Variants in SCMH1 observed in about 807,000 individuals in gnomAD.
The protein encoded by SCMH1 is polycomb protein SCMH1.
Under a neutral mutation model 70.8 loss-of-function variants are expected in SCMH1, and 37 were observed. The observed-to-expected ratio is 0.52, with a 90% confidence interval of 0.40 to 0.69. The LOEUF (loss-of-function observed/expected upper bound fraction) is 0.69, where lower values mean the gene tolerates loss of function less well. SCMH1 is among the 30% of genes least tolerant of loss of function. The pLI is 0.00. For synonymous variants in SCMH1, 292 were observed against 307.4 expected (o/e 0.95, Z 0.52); for missense variants, 607 against 827.3 (o/e 0.73, Z 3.27).
At chr1:41,039,294 C>T (rs1645758988) in intron 12 of SCMH1, among the ~76,000 whole-genome samples, 2 of 152,150 alleles carry the variant, frequency 1.3e-5, no homozygotes, top group African/African-American at 4.8e-5. Context: ...GCTAAGAACA[C>T]TGAGACGTAG....
At chr1:41,151,336 CT>C (rs1369828154) in intron 5 of SCMH1, among the ~76,000 whole-genome samples, 4 of 152,164 alleles carry the variant, frequency 2.6e-5, no homozygotes. Flanking sequence ...ATTAAGAGCT[CT>C]AGTAAAAATT....
intron 1 of SCMH1, among the ~76,000 whole-genome samples, chr1:41,212,650 AAAAC>A (rs1416074668): frequency 6.6e-6 from 1 of 152,150 alleles, no homozygotes; most frequent in Admixed American, 6.6e-5. Flanking sequence ...GTTTTCCTGA[AAAAC>A]AAACCAACCA....
chr1:41,207,862 G>C (rs1655935745), intron 1 of SCMH1, among the ~76,000 whole-genome samples: 1 of 151,216 alleles, frequency 6.6e-6, no homozygotes, highest in African/African-American at 2.4e-5. Flanking sequence ...GTGGAAGTCA[G>C]TGTGGCGATT....
chr1:41,053,118 A>ACG (rs1648855725), intron 10 of SCMH1, among the ~76,000 whole-genome samples: 1 of 5,162 alleles, frequency 1.9e-4, no homozygotes, highest in African/African-American at 7.7e-3. Context: ...GGGTTTCACC[A>ACG]TTGATCTGCC....
chr1:41,130,181 T>G (rs1674289352), intron 6 of SCMH1, among the ~76,000 whole-genome samples: 1 of 152,240 alleles, frequency 6.6e-6, no homozygotes, highest in Non-Finnish European at 1.5e-5. Context: ...ATGGGTTTTT[T>G]GTTGTTGAGG....
At position 41,176,180 on chromosome 1, in the gene SCMH1, C is replaced by CA. The variant is rs546977052; in HGVS notation, c.13+9940dup. 3.8e-3 allele frequency among the ~76,000 whole-genome samples: 273 copies of CA among 71,240 alleles called. 1 individual carries two copies. Among genetic ancestry groups the CA allele is most frequent in the East Asian group, 0.022 (62 of 2,830 alleles). The allele number at this position is 71,240 out of a possible 152,430, so 46.7% of individuals were successfully genotyped here. A position where few individuals can be genotyped will look rare whatever the true frequency, so the allele number is the denominator to read the frequency against. On this transcript the variant is annotated intron_variant, in intron 2 of 14. Coordinates refer to ENST00000337495, the Ensembl canonical transcript of SCMH1. ...GCAAGACTTGTCTCAAAAAAAAAAC[C>CA]AAAAAAAACAAAAAAAAAACAAAAA...
At chr1:41,142,975 G>A (rs779176703) in exon 6 of SCMH1, 22 of 1,614,044 alleles carry the variant, frequency 1.4e-5, no homozygotes, top group Admixed American at 8.3e-5. Context: ...TTTTGTTGTC[G>A]CTCCCATCAA....
chr1:41,208,613 T>C (rs1656223971), intron 1 of SCMH1, among the ~76,000 whole-genome samples: 4 of 152,122 alleles, frequency 2.6e-5, no homozygotes, highest in Non-Finnish European at 4.4e-5. Context: ...CGGAACAACC[T>C]GCTCCTGAAT....
At chr1:41,095,962 T>C (rs1335038347) in intron 8 of SCMH1, among the ~76,000 whole-genome samples, 1 of 152,132 alleles carries the variant, frequency 6.6e-6, no homozygotes, top group African/African-American at 2.4e-5. Context: ...ATAGATAATA[T>C]TTAGTGAAAA....
Position 41,083,205 on chromosome 1 carries a change from T to C in SCMH1, c.746-7754A>G, listed in dbSNP as rs1571916341. Among the ~76,000 whole-genome samples, 5 of 152,218 alleles carry C rather than the reference T, an allele frequency of 3.3e-5. No individual in the cohort carries two copies. In the South Asian group the frequency reaches 1.0e-3, roughly 32 times the overall value. ...AAATTGTCCCTGTTTGCAGAGGACATGATTGTATATCTAGAAAACCCCATT... is the reference window on the plus strand; with the variant it reads ...AAATTGTCCCTGTTTGCAGAGGACACGATTGTATATCTAGAAAACCCCATT... On this transcript the variant is annotated intron_variant, in intron 8 of 14. Transcript: ENST00000337495.
At chr1:41,099,888 A>G (rs1183913828) in intron 8 of SCMH1, among the ~76,000 whole-genome samples, 1 of 152,188 alleles carries the variant, frequency 6.6e-6, no homozygotes, top group African/African-American at 2.4e-5. Flanking sequence ...TCTTCTTAAG[A>G]TGATGCTCAG....
At chr1:41,051,979 G>A (rs1002667278) in intron 10 of SCMH1, among the ~76,000 whole-genome samples, 1 of 152,046 alleles carries the variant, frequency 6.6e-6, no homozygotes, top group African/African-American at 2.4e-5. Context: ...CTCCATTCAC[G>A]GTAAGTACCC....
At chr1:41,226,682 T>C (rs1412135353) in intron 1 of SCMH1, among the ~76,000 whole-genome samples, 2 of 152,178 alleles carry the variant, frequency 1.3e-5, no homozygotes, top group Non-Finnish European at 2.9e-5. Flanking sequence ...GGATACAATA[T>C]TGAACAGAAG....
At chr1:41,054,906 C>G (rs1380760898) in intron 10 of SCMH1, among the ~76,000 whole-genome samples, 1 of 152,176 alleles carries the variant, frequency 6.6e-6, no homozygotes, top group Admixed American at 6.5e-5. Flanking sequence ...ACCTCAGCCT[C>G]CTGAGTAGCT....
chr1:41,094,563 C>T (rs1008505), intron 8 of SCMH1, among the ~76,000 whole-genome samples: 98,578 of 151,860 alleles, frequency 0.65, 33,521 homozygotes, highest in African/African-American at 0.86. Flanking sequence ...TTTCTTTCTC[C>T]CTCTTAGTGG....
At chr1:41,101,127 G>A (rs1358910026) in intron 8 of SCMH1, among the ~76,000 whole-genome samples, 1 of 152,136 alleles carries the variant, frequency 6.6e-6, no homozygotes, top group African/African-American at 2.4e-5. Flanking sequence ...ACAAGAGTAT[G>A]TGAAAAGGTT....
At chr1:41,209,846 T>C (rs1573086358) in intron 1 of SCMH1, among the ~76,000 whole-genome samples, 1 of 152,246 alleles carries the variant, frequency 6.6e-6, no homozygotes, top group East Asian at 1.9e-4. Flanking sequence ...AACATAGTGT[T>C]GGAAGTTCTG....
chr1:41,173,732 AATAG>A (rs547367512), intron 2 of SCMH1, among the ~76,000 whole-genome samples: 270 of 152,354 alleles, frequency 1.8e-3, no homozygotes, highest in African/African-American at 6.1e-3. Context: ...TCATTAGATA[AATAG>A]ATAAAGAAAA....
intron 5 of SCMH1, among the ~76,000 whole-genome samples, 165 bp from the exon 6 acceptor site, chr1:41,143,277 G>A (rs952211133): frequency 1.8e-4 from 27 of 152,154 alleles, no homozygotes; most frequent in Middle Eastern, 3.4e-3. Context: ...ATAAGATGAA[G>A]GGGAAAAAAT....
Sources: allele counts gnomAD v4.1 joint callset (sites outside exome capture counted in the v4.1 genomes callset), GRCh38; gene constraint gnomAD v4.1.1; transcripts MANE v1.5; gene names NCBI Gene and HGNC (gene_info 2026-07-23, HGNC 2026-07-21).